Variants in GLYATL2 observed in about 807,000 individuals in gnomAD.
The protein encoded by GLYATL2 is glycine-N-acyltransferase like 2.
In GLYATL2, 25 loss-of-function variants were observed where a neutral mutation model predicts 21.4. That is an observed-to-expected ratio of 1.17 (90% CI 0.85 to 1.63). The LOEUF (loss-of-function observed/expected upper bound fraction) is 1.63. Among genes scored for constraint, GLYATL2 ranks in the 40% most tolerant of loss-of-function variants. GLYATL2 has a pLI of 0.00. For missense variants in GLYATL2, 361 were observed against 343.3 expected (o/e 1.05, Z -0.41); for synonymous variants, 114 against 118.2 (o/e 0.96, Z 0.23).
chr11:58,873,426 C>T (rs545314732), intron 1 of GLYATL2, among the ~76,000 whole-genome samples: 4 of 152,268 alleles, frequency 2.6e-5, no homozygotes, highest in African/African-American at 7.2e-5. Context: ...GTGGGCTTGT[C>T]ATAGATAGCT....
intron 1 of GLYATL2, among the ~76,000 whole-genome samples, chr11:58,896,758 G>A (rs4939239): frequency 0.94 from 142,548 of 152,276 alleles, 67,201 homozygotes; most frequent in East Asian, 1. Context: ...TTATTTTAAC[G>A]GTTTCTATTT....
intron 1 of GLYATL2, among the ~76,000 whole-genome samples, chr11:58,873,837 AT>A (rs1397745370): frequency 1.3e-5 from 2 of 152,094 alleles, no homozygotes; most frequent in Admixed American, 1.3e-4. Context: ...TTTTTTATTG[AT>A]TGGAATAATT....
chr11:58,863,736 G>T (rs1007942395), intron 1 of GLYATL2, among the ~76,000 whole-genome samples: 4 of 152,068 alleles, frequency 2.6e-5, no homozygotes, highest in Non-Finnish European at 4.4e-5. Flanking sequence ...TTCAGGGCTG[G>T]CATGGAGACT....
At chr11:58,897,004 CAGTTTT>C (rs1854647198) in intron 1 of GLYATL2, among the ~76,000 whole-genome samples, 11 of 152,152 alleles carry the variant, frequency 7.2e-5, no homozygotes, top group Admixed American at 7.2e-4. Context: ...GAACCCGGGC[CAGTTTT>C]ACTTTACTAT....
intron 1 of GLYATL2, among the ~76,000 whole-genome samples, chr11:58,868,290 C>G (rs879861600): frequency 2.0e-5 from 3 of 148,690 alleles, no homozygotes; most frequent in Non-Finnish European, 4.5e-5. Flanking sequence ...GAATTTCTTC[C>G]TTAGTAAAGG....
intron 1 of GLYATL2, among the ~76,000 whole-genome samples, chr11:58,875,383 A>C (rs1369975430): frequency 2.0e-5 from 3 of 152,144 alleles, no homozygotes; most frequent in Admixed American, 6.5e-5. Flanking sequence ...TCTTCCTAGC[A>C]TTGATGGTCT....
At chr11:58,863,312 G>T (rs1421963327) in intron 1 of GLYATL2, among the ~76,000 whole-genome samples, 1 of 152,168 alleles carries the variant, frequency 6.6e-6, no homozygotes, top group East Asian at 1.9e-4. Context: ...GGCCTACTGG[G>T]ATGAGCCTGG....
At chr11:58,870,683 A>G (rs991114421) in intron 1 of GLYATL2, among the ~76,000 whole-genome samples, 2 of 152,250 alleles carry the variant, frequency 1.3e-5, no homozygotes, top group Non-Finnish European at 2.9e-5. Context: ...TTCAACAGGC[A>G]GAACGATTTA....
chr11:58,855,077 C>T (rs1190949836), intron 1 of GLYATL2, among the ~76,000 whole-genome samples: 1 of 152,148 alleles, frequency 6.6e-6, no homozygotes, highest in Admixed American at 6.5e-5. Flanking sequence ...TTCCAAATTC[C>T]TGTTGATGTT....
At chr11:58,870,604 G>A (rs1056816988) in intron 1 of GLYATL2, among the ~76,000 whole-genome samples, 2 of 152,156 alleles carry the variant, frequency 1.3e-5, no homozygotes, top group Non-Finnish European at 2.9e-5. Context: ...TACCCTACTT[G>A]GGGCACAGTT....
At chr11:58,870,443 T>C (rs2134602065) in intron 1 of GLYATL2, among the ~76,000 whole-genome samples, 1 of 152,270 alleles carries the variant, frequency 6.6e-6, no homozygotes, top group South Asian at 2.1e-4. Context: ...TTTCTTTGAA[T>C]GAGATTGGGA....
intron 1 of GLYATL2, among the ~76,000 whole-genome samples, chr11:58,859,583 C>T (rs117535032): frequency 0.031 from 4,717 of 152,158 alleles, 120 homozygotes; most frequent in Middle Eastern, 0.051. Context: ...TTCTTCCTGT[C>T]GATTGTTTCC....
upstream of GLYATL2, among the ~76,000 whole-genome samples, chr11:58,909,170 A>G (rs1478007981): frequency 6.6e-6 from 1 of 152,232 alleles, no homozygotes; most frequent in Non-Finnish European, 1.5e-5. Flanking sequence ...CATATGAGAC[A>G]GATCCTAATG....
Position 58,893,246 on chromosome 11 carries a change from C to G in GLYATL2, n.60+10910G>C, listed in dbSNP as rs192950556. On this transcript the variant is annotated intron_variant and non_coding_transcript_variant, in intron 1 of 4. Transcript: ENST00000533636. ...GACTCTTCTTGTGAAGTAGGAATGGCCTACAGCATGAAAAAATACCGAAGG... is the reference window on the plus strand; with the variant it reads ...GACTCTTCTTGTGAAGTAGGAATGGGCTACAGCATGAAAAAATACCGAAGG... The G allele has an allele frequency of 9.5e-4, 258 of 272,658 alleles. 2 individuals are homozygous for G. The highest frequency in any genetic ancestry group is 5.5e-3 in the African/African-American group (244 of 44,332). 16.9% of individuals were successfully genotyped at this position (272,658 alleles called of 1,614,324 possible).
At chr11:58,844,290 T>A (rs1292369082) in intron 1 of GLYATL2, 144 bp downstream of exon 1, 1 of 152,224 alleles carries the variant, frequency 6.6e-6, no homozygotes, top group Non-Finnish European at 1.5e-5. Flanking sequence ...GAATTCATTC[T>A]CAACATTGAG....
At chr11:58,837,443 CA>C (rs1853458694) in intron 3 of GLYATL2, 46 bp from the exon 4 acceptor site, 2 of 1,571,448 alleles carry the variant, frequency 1.3e-6, no homozygotes, top group African/African-American at 1.3e-5. Context: ...CTACAATTTA[CA>C]AAATGTTCTT....
At chr11:58,902,653 C>A (rs1338510488) in intron 1 of GLYATL2, among the ~76,000 whole-genome samples, 1 of 152,228 alleles carries the variant, frequency 6.6e-6, no homozygotes, top group Non-Finnish European at 1.5e-5. Flanking sequence ...CCTCACCCGA[C>A]CATGTGAGGG....
At chr11:58,847,458 G>A (rs1853663351), upstream of GLYATL2, among the ~76,000 whole-genome samples, 1 of 152,164 alleles carries the variant, frequency 6.6e-6, no homozygotes, top group Non-Finnish European at 1.5e-5. Flanking sequence ...GGGCCAGAAG[G>A]AAGCCCACTG....
chr11:58,841,118 C>T (rs1853543755), intron 1 of GLYATL2, among the ~76,000 whole-genome samples: 1 of 151,886 alleles, frequency 6.6e-6, no homozygotes, highest in Non-Finnish European at 1.5e-5. Context: ...TTTCCAAGAA[C>T]CAACAAATAG....
Sources: allele counts gnomAD v4.1 joint callset (sites outside exome capture counted in the v4.1 genomes callset), GRCh38; gene constraint gnomAD v4.1.1; transcripts MANE v1.5; gene names NCBI Gene and HGNC (gene_info 2026-07-23, HGNC 2026-07-21).